The following GPRIN3 variants were observed in gnomAD, a reference collection of about 807,000 sequenced individuals.
The protein encoded by GPRIN3 is G protein-regulated inducer of neurite outgrowth 3.
GPRIN3 carries 12 observed loss-of-function variants against 13.7 expected under a neutral mutation model. The observed-to-expected ratio is 0.87, with a 90% CI of 0.56 to 1.42. The LOEUF (loss-of-function observed/expected upper bound fraction) is 1.42. Among genes scored for constraint, GPRIN3 ranks in the 40% most tolerant of loss-of-function variants. GPRIN3 has a pLI of 0.00. For missense variants in GPRIN3, 1,009 were observed against 958.7 expected (o/e 1.05, Z -0.69); for synonymous variants, 377 against 372.7 (o/e 1.01, Z -0.13).
intron 1 of GPRIN3, among the ~76,000 whole-genome samples, chr4:89,291,222 C>CT (rs111882583): frequency 9.2e-5 from 14 of 151,888 alleles, no homozygotes; most frequent in Non-Finnish European, 2.1e-4. Flanking sequence ...GTTATATTTA[C>CT]TTTTTTTTGG....
chr4:89,250,070 G>A lies in GPRIN3; in HGVS notation c.41C>T (p.Ser14Phe), dbSNP rs1396170500. 1 of 1,614,156 alleles carries A rather than the reference G, an allele frequency of 6.2e-7. No individual in the cohort carries two copies. Among genetic ancestry groups the A allele is most frequent in the South Asian group, 1.1e-5 (1 of 91,086 alleles). ...VPDPLRSAKTSLIAASGKEDD... is the reference protein window; with the variant it reads ...VPDPLRSAKTFLIAASGKEDD... Reference sequence around the variant, plus strand: ...TTCTTTTCCGGAAGCTGCAATCAGGGAAGTTTTAGCTGATCTCAGAGGGTC... The same window carrying A: ...TTCTTTTCCGGAAGCTGCAATCAGGAAAGTTTTAGCTGATCTCAGAGGGTC... The change falls in exon 2 of 2, where the codon TCC (serine) becomes TTC (phenylalanine). Residue 14 changes from serine to phenylalanine, a missense_variant. Ser to Phe is a radical substitution (Grantham distance 155). Transcript: ENST00000609438.
intron 1 of GPRIN3, among the ~76,000 whole-genome samples, chr4:89,270,641 G>A (rs72653553): frequency 0.087 from 12,152 of 139,524 alleles, 603 homozygotes; most frequent in South Asian, 0.12. Flanking sequence ...TCTGGCTCAA[G>A]CGATCCTCCC....
Position 89,276,133 on chromosome 4 carries a change from A to T in GPRIN3, c.-123-25900T>A, listed in dbSNP as rs376466207. ...TGCCACACAGCAAATAATATAGGGTATTTTTTTATGATAACAATGAATTTT... is the reference window on the plus strand; with the variant it reads ...TGCCACACAGCAAATAATATAGGGTTTTTTTTTATGATAACAATGAATTTT... On this transcript the variant is annotated intron_variant, in intron 1 of 1. Transcript: ENST00000609438. 1.7e-4 allele frequency among the ~76,000 whole-genome samples: 26 copies of T among 152,206 alleles called. No individual in the cohort carries two copies. In the East Asian group the frequency reaches 5.0e-3, roughly 29 times the overall value.
chr4:89,286,461 C>T lies in GPRIN3; in HGVS notation c.-124+21154G>A, dbSNP rs1162718325. Among the ~76,000 whole-genome samples, 4 of 152,216 alleles carry T rather than the reference C, an allele frequency of 2.6e-5. No homozygotes were observed. In the East Asian group the frequency reaches 5.8e-4, roughly 22 times the overall value. On this transcript the variant is annotated intron_variant, in intron 1 of 1. Transcript: ENST00000609438. ...TCGCTGGTGCTTTCCTACACTGTGT[C>T]TTTATCACAGCTGGTATTTCTTTTT...
In GPRIN3 at chr4:89,239,364, CACAT is replaced by C. The variant is rs1722864173; in HGVS notation, c.*8412_*8415del. On this transcript the variant is annotated 3_prime_UTR_variant, in exon 2 of 2. Coordinates refer to ENST00000609438, the MANE Select transcript of GPRIN3 (RefSeq NM_198281.3). ...TTAATACACATCTTTCAAAAATAAT[CACAT>C]AAATTTATCTTTGAAGCAACCATAA... 1 of 152,076 alleles carries C rather than the reference CACAT, an allele frequency of 6.6e-6. No individual in the cohort carries two copies. The highest frequency in any genetic ancestry group is 2.4e-5 in the African/African-American group (1 of 41,514). 9.4% of individuals were successfully genotyped at this position (152,076 alleles called of 1,614,324 possible).
In GPRIN3 at chr4:89,281,237, C is replaced by T. The variant is rs187326304; in HGVS notation, c.-124+26378G>A. Among the ~76,000 whole-genome samples, 925 of 152,228 alleles carry T rather than the reference C, an allele frequency of 6.1e-3. 7 individuals are homozygous for T. Among genetic ancestry groups the T allele is most frequent in the African/African-American group, 0.02 (849 of 41,530 alleles). Reference sequence around the variant, plus strand: ...TTCCTGGGTTTAAGCAATTCCCCTGCCTCAGCCTTCCAAGTAGCTGGGATT... The same window carrying T: ...TTCCTGGGTTTAAGCAATTCCCCTGTCTCAGCCTTCCAAGTAGCTGGGATT... On this transcript the variant is annotated intron_variant, in intron 1 of 1. Transcript: ENST00000609438.
rs779270531 is a variant in GPRIN3, at chr4:89,249,473, G to A, written c.638C>T (p.Ser213Phe). ...VTAARVVSHS[S>F]SPVGGPEGER... ...CCCTTCAGGTCCACCTACAGGAGAG[G>A]ATGAGTGACTGACCACCCTGGCTGC... Residue 213 changes from serine (S) to phenylalanine (F), a missense_variant, in exon 2 of 2, where the codon TCC becomes TTC. Ser to Phe is a radical substitution (Grantham distance 155). Transcript: ENST00000609438. The A allele has an allele frequency of 1.9e-6, 3 of 1,613,974 alleles. No homozygotes were observed. Among genetic ancestry groups the A allele is most frequent in the African/African-American group, 1.3e-5 (1 of 74,900 alleles).
chr4:89,271,574 G>GCA (rs1561206877), intron 1 of GPRIN3, among the ~76,000 whole-genome samples: 1 of 130,576 alleles, frequency 7.7e-6, no homozygotes, highest in Non-Finnish European at 1.5e-5. Flanking sequence ...TTAAAAACTT[G>GCA]TATTTTTTAT....
In GPRIN3 at chr4:89,239,160, AC is replaced by A. The variant is rs1722858969; in HGVS notation, c.*8619del. Reference sequence around the variant, plus strand: ...ATTATAATGTAGACATTATAAAAAAACATAACTTTGGATTTTAATATTAATA... The same window carrying A: ...ATTATAATGTAGACATTATAAAAAAAATAACTTTGGATTTTAATATTAATA... On this transcript the variant is annotated 3_prime_UTR_variant, in exon 2 of 2. Coordinates refer to ENST00000609438, the MANE Select transcript of GPRIN3 (RefSeq NM_198281.3). 6.6e-6 allele frequency: 1 copy of A among 152,148 alleles called. No homozygotes were observed. Among genetic ancestry groups the A allele is most frequent in the Admixed American group, 6.5e-5 (1 of 15,278 alleles). 9.4% of individuals were successfully genotyped at this position (152,148 alleles called of 1,614,324 possible).
chr4:89,292,668 T>G (rs1724607101), intron 1 of GPRIN3, among the ~76,000 whole-genome samples: 1 of 152,238 alleles, frequency 6.6e-6, no homozygotes, highest in South Asian at 2.1e-4. Context: ...AGCCATTTAT[T>G]GATGGTTATA....
At chr4:89,288,950 C>G (rs1409563654) in intron 1 of GPRIN3, among the ~76,000 whole-genome samples, 4 of 152,058 alleles carry the variant, frequency 2.6e-5, no homozygotes, top group Non-Finnish European at 5.9e-5. Context: ...TATTCTTCAT[C>G]TACCTTGCAC....
intron 1 of GPRIN3, among the ~76,000 whole-genome samples, chr4:89,274,166 C>T (rs929749873): frequency 2.6e-5 from 4 of 152,188 alleles, no homozygotes; most frequent in African/African-American, 9.7e-5. Context: ...CTAGCACGTA[C>T]AGCAACACGC....
At chr4:89,305,552 A>C (rs554527816) in intron 1 of GPRIN3, among the ~76,000 whole-genome samples, 7 of 152,330 alleles carry the variant, frequency 4.6e-5, no homozygotes, top group Admixed American at 4.6e-4. Flanking sequence ...AGCTCAAATA[A>C]GAGCTGTGGC....
At chr4:89,300,053 T>C (rs1215013665) in intron 1 of GPRIN3, among the ~76,000 whole-genome samples, 2 of 152,100 alleles carry the variant, frequency 1.3e-5, no homozygotes, top group Admixed American at 6.5e-5. Flanking sequence ...ACAGACTACG[T>C]TAACTCAATT....
At chr4:89,250,284 G>A (rs1040393679) in intron 1 of GPRIN3, 51 bp from the exon 2 acceptor site, 11 of 1,277,868 alleles carry the variant, frequency 8.6e-6, no homozygotes, top group African/African-American at 1.5e-5. Context: ...CTTAAGGATT[G>A]AAAAATAAAC....
At chr4:89,286,547 T>C (rs1009879286) in intron 1 of GPRIN3, among the ~76,000 whole-genome samples, 1 of 152,186 alleles carries the variant, frequency 6.6e-6, no homozygotes, top group East Asian at 1.9e-4. Flanking sequence ...ATAGTTCTCT[T>C]GCCTTTTTTC....
intron 1 of GPRIN3, among the ~76,000 whole-genome samples, chr4:89,283,762 G>A (rs961909152): frequency 6.6e-6 from 1 of 152,158 alleles, no homozygotes; most frequent in African/African-American, 2.4e-5. Context: ...GGTGCATATG[G>A]ACAAGCATGA....
rs757349976 is a variant in GPRIN3, at chr4:89,290,907, G to A, written c.-124+16708C>T. Among the ~76,000 whole-genome samples the A allele has an allele frequency of 8.3e-4, 126 of 152,162 alleles. 1 individual carries two copies. The highest frequency in any genetic ancestry group is 1.5e-3 in the Non-Finnish European group (101 of 68,006). On this transcript the variant is annotated intron_variant, in intron 1 of 1. Coordinates refer to ENST00000609438, the MANE Select transcript of GPRIN3 (RefSeq NM_198281.3). ...GTGAGCACTCACTACTCCCACACAC[G>A]CTCACCAGATGGTGAACATAACATT...
chr4:89,266,902 C>G (rs1369538981), intron 1 of GPRIN3, among the ~76,000 whole-genome samples: 2 of 151,978 alleles, frequency 1.3e-5, no homozygotes, highest in Non-Finnish European at 2.9e-5. Flanking sequence ...TTTTATAGTT[C>G]TTAATTTTTA....
Sources: allele counts gnomAD v4.1 joint callset (sites outside exome capture counted in the v4.1 genomes callset), GRCh38; gene constraint gnomAD v4.1.1; transcripts MANE v1.5; gene names NCBI Gene and HGNC (gene_info 2026-07-23, HGNC 2026-07-21).